The following SMC1B variants were observed in gnomAD, a reference collection of about 807,000 sequenced individuals.
SMC1B encodes structural maintenance of chromosomes protein 1B.
Under a neutral mutation model 157.9 loss-of-function variants are expected in SMC1B, and 60 were observed. The ratio of observed to expected loss-of-function variants is 0.38; its 90% CI spans 0.31 to 0.47. The LOEUF is 0.47. SMC1B is among the 20% of genes least tolerant of loss of function. The probability of loss-of-function intolerance (pLI) is 0.99; values close to 1 mark genes in which losing one functional copy is unlikely to be tolerated. For missense variants in SMC1B, 1,165 were observed against 1,426.2 expected (o/e 0.82, Z 2.95); for synonymous variants, 445 against 483.0 (o/e 0.92, Z 1.03).
intron 1 of SMC1B, among the ~76,000 whole-genome samples, chr22:45,411,447 A>G (rs527522603): frequency 9.2e-4 from 140 of 152,370 alleles, no homozygotes; most frequent in Non-Finnish European, 1.7e-3. Flanking sequence ...AGAGGAAATA[A>G]CAGGGAGTGA....
rs1040628974 is a variant in SMC1B, at chr22:45,379,256, T to C, written c.2058+4211A>G. Among the ~76,000 whole-genome samples, 8 of 152,316 alleles carry C rather than the reference T, an allele frequency of 5.3e-5. No homozygotes were observed. The South Asian group carries it at 8.3e-4, about 16-fold the overall frequency. ...CCACCCACCTTGGCCTCCCAAAGTG[T>C]TGGGATTACAGGCGTGGGCCACCAT... On this transcript the variant is annotated intron_variant, in intron 12 of 24. Coordinates refer to ENST00000357450, the MANE Select transcript of SMC1B (RefSeq NM_148674.5).
intron 12 of SMC1B, among the ~76,000 whole-genome samples, chr22:45,372,574 ACATAAATAGGAT>A (rs1301731030): frequency 1.3e-5 from 2 of 152,150 alleles, no homozygotes; most frequent in African/African-American, 4.8e-5. Context: ...CACATTAATG[ACATAAATAGGAT>A]CATGTAATTG....
At chr22:45,347,943 C>CT (rs2086569017) in intron 23 of SMC1B, among the ~76,000 whole-genome samples, 1 of 152,224 alleles carries the variant, frequency 6.6e-6, no homozygotes, top group Admixed American at 6.5e-5. Context: ...AACCATGGTA[C>CT]TGGGAACTCT....
chr22:45,357,516 G>C (rs2086681250), intron 19 of SMC1B, among the ~76,000 whole-genome samples: 1 of 152,072 alleles, frequency 6.6e-6, no homozygotes, highest in African/African-American at 2.4e-5. Context: ...GTAAGTAGTT[G>C]GTTACTTTTG....
intron 8 of SMC1B, among the ~76,000 whole-genome samples, chr22:45,394,234 T>A (rs951335139): frequency 6.6e-6 from 1 of 151,052 alleles, no homozygotes; most frequent in African/African-American, 2.4e-5. Flanking sequence ...CTGAGGTAGG[T>A]GGATCACTTG....
chr22:45,400,568 A>G (rs1481386829), intron 5 of SMC1B, among the ~76,000 whole-genome samples: 1 of 152,210 alleles, frequency 6.6e-6, no homozygotes, highest in East Asian at 1.9e-4. Flanking sequence ...GCAGAATTCC[A>G]AAAAAATCAT....
intron 12 of SMC1B, among the ~76,000 whole-genome samples, chr22:45,382,144 T>G (rs1398402727): frequency 2.0e-5 from 3 of 152,238 alleles, no homozygotes; most frequent in Non-Finnish European, 4.4e-5. Context: ...GAACTTCTTT[T>G]GTGATCTTCA....
intron 15 of SMC1B, among the ~76,000 whole-genome samples, chr22:45,363,431 C>T (rs1026985037): frequency 1.3e-5 from 2 of 152,140 alleles, no homozygotes; most frequent in Admixed American, 6.5e-5. Context: ...CCTGTAATCC[C>T]GGCACTTTGG....
chr22:45,345,929 C>T (rs182492722), intron 23 of SMC1B, among the ~76,000 whole-genome samples: 152 of 152,242 alleles, frequency 1.0e-3, no homozygotes, highest in African/African-American at 3.5e-3. Flanking sequence ...CCAGGCTGGG[C>T]GCAGTGGCTC....
chr22:45,412,739 T>C (rs1008574203), intron 1 of SMC1B, among the ~76,000 whole-genome samples: 4 of 152,094 alleles, frequency 2.6e-5, no homozygotes, highest in African/African-American at 9.7e-5. Flanking sequence ...TTTCCCCAAC[T>C]ATAAAATGGG....
chr22:45,352,802 C>G (rs1330998849), intron 21 of SMC1B, among the ~76,000 whole-genome samples, 200 bp from the exon 22 acceptor site: 1 of 152,218 alleles, frequency 6.6e-6, no homozygotes, highest in East Asian at 1.9e-4. Flanking sequence ...AGGGAAAACA[C>G]TCTCCTAACA....
intron 11 of SMC1B, among the ~76,000 whole-genome samples, chr22:45,385,973 T>G (rs1220345619): frequency 1.3e-5 from 2 of 152,066 alleles, no homozygotes; most frequent in African/African-American, 4.8e-5. Context: ...CCAGATTAAG[T>G]GTGTTAATTG....
At chr22:45,394,314 C>A (rs767742328) in intron 8 of SMC1B, among the ~76,000 whole-genome samples, 1 of 151,682 alleles carries the variant, frequency 6.6e-6, no homozygotes, top group Admixed American at 6.6e-5. Context: ...GAGAGTGAGA[C>A]CCTGTCTCAA....
intron 21 of SMC1B, among the ~76,000 whole-genome samples, chr22:45,353,643 C>T (rs1203498889): frequency 6.6e-6 from 1 of 152,030 alleles, no homozygotes; most frequent in African/African-American, 2.4e-5. Flanking sequence ...CAGAAACCAA[C>T]AGTTCTATAA....
Position 45,370,079 on chromosome 22 carries a change from A to G in SMC1B, c.2314-19T>C, listed in dbSNP as rs544967328. 1.5e-4 allele frequency: 196 copies of G among 1,311,240 alleles called. No homozygotes were observed. The South Asian group carries it at 2.7e-3, about 18-fold the overall frequency. 81.2% of individuals were successfully genotyped at this position (1,311,240 alleles called of 1,614,324 possible). A position where few individuals can be genotyped will look rare whatever the true frequency, so the allele number is the denominator to read the frequency against. On this transcript the variant is annotated intron_variant, in intron 14 of 24. Transcript: ENST00000357450. ...CTTCTACCTTTTAAATTATTTTAAA[A>G]CAATTGATTTAATAAGCAATTTTAA...
chr22:45,378,978 G>T (rs2146807721), intron 12 of SMC1B, among the ~76,000 whole-genome samples: 1 of 151,858 alleles, frequency 6.6e-6, no homozygotes, highest in African/African-American at 2.4e-5. Context: ...CAACATTCAG[G>T]TTTTTTTCTT....
chr22:45,395,408 A>C (rs1467054788), intron 7 of SMC1B, among the ~76,000 whole-genome samples: 1 of 152,216 alleles, frequency 6.6e-6, no homozygotes, highest in Non-Finnish European at 1.5e-5. Context: ...TGTATTCAAA[A>C]GACAACAGCA....
chr22:45,389,953 A>C, intron 9 of SMC1B, 56 bp from the exon 10 acceptor site: 1 of 1,405,162 alleles, frequency 7.1e-7, no homozygotes, highest in African/African-American at 1.4e-5. Flanking sequence ...GAAATATATA[A>C]TTCATTATTT....
intron 23 of SMC1B, among the ~76,000 whole-genome samples, chr22:45,346,246 C>T (rs1356439089): frequency 6.6e-6 from 1 of 152,186 alleles, no homozygotes; most frequent in Non-Finnish European, 1.5e-5. Context: ...TTTCCACCTT[C>T]CTATTTTGCC....
Sources: gnomAD v4.1 joint callset for allele counts (sites outside exome capture counted in the v4.1 genomes callset) on GRCh38, gnomAD v4.1.1 for gene constraint, MANE v1.5 for transcripts, NCBI Gene and HGNC (gene_info 2026-07-23, HGNC 2026-07-21) for gene names.